APOC3: variants seen among roughly 807,000 people sequenced by gnomAD.
The protein encoded by APOC3 is apolipoprotein C-III.
APOC3 carries 6 observed loss-of-function variants against 7.3 expected under a neutral mutation model. The ratio of observed to expected loss-of-function variants is 0.82; its 90% CI spans 0.45 to 1.61. The LOEUF is 1.61. APOC3 is among the 40% of genes most tolerant of loss of function. The probability of loss-of-function intolerance (pLI) is 0.01; values close to 1 mark genes in which losing one functional copy is unlikely to be tolerated. For synonymous variants in APOC3, 45 were observed against 51.2 expected, an observed-to-expected ratio of 0.88 and a Z score of 0.52; for missense variants, 123 against 124.9, an observed-to-expected ratio of 0.98 and a Z score of 0.07.
Position 116,830,770 on chromosome 11 carries a change from C to T in APOC3, c.56-3C>T, listed in dbSNP as rs1941437312. The T allele has an allele frequency of 1.9e-6, 3 of 1,613,324 alleles. No individual in the cohort carries two copies. The highest frequency in any genetic ancestry group is 2.5e-6 in the Non-Finnish European group (3 of 1,179,998). On this transcript the variant is annotated splice_region_variant and splice_polypyrimidine_tract_variant and intron_variant, in intron 2 of 3. Transcript: ENST00000227667. ...ACCCCACTCAGCCCTGCTCTTTCCT[C>T]AGGAGCTTCAGAGGCCGAGGATGCC...
intron 3 of APOC3, among the ~76,000 whole-genome samples, chr11:116,831,879 A>T (rs532177088): frequency 6.6e-6 from 1 of 152,306 alleles, no homozygotes; most frequent in East Asian, 1.9e-4. Flanking sequence ...TCACACTCCT[A>T]TGAGAATGTA....
At chr11:116,830,952 C>T (rs919221702) in intron 3 of APOC3, 56 bp downstream of exon 3, 20 of 1,588,946 alleles carry the variant, frequency 1.3e-5, no homozygotes, top group Admixed American at 3.4e-5. Context: ...CATTCCCACC[C>T]GCCCCTGCCC....
At chr11:116,830,532 G>A in intron 1 of APOC3, 38 bp from the exon 2 acceptor site, 1 of 1,611,052 alleles carries the variant, frequency 6.2e-7, no homozygotes, top group Non-Finnish European at 8.5e-7. Context: ...CAGAGGCATG[G>A]GGACCTGGGG....
At chr11:116,831,291 T>C (rs1941455941) in intron 3 of APOC3, among the ~76,000 whole-genome samples, 1 of 132,272 alleles carries the variant, frequency 7.6e-6, no homozygotes, top group Non-Finnish European at 1.5e-5. Flanking sequence ...TTCCTTTCTT[T>C]CTTTCTTTCC....
At chr11:116,830,311 C>T (rs1010709237) in intron 1 of APOC3, among the ~76,000 whole-genome samples, 3 of 152,128 alleles carry the variant, frequency 2.0e-5, no homozygotes, top group East Asian at 3.9e-4. Context: ...CTGGACTGGA[C>T]GGAGATCAGT....
chr11:116,832,699 G>T (rs1253837871), intron 3 of APOC3, 65 bp from the exon 4 acceptor site: 5 of 1,609,978 alleles, frequency 3.1e-6, no homozygotes, highest in Non-Finnish European at 4.2e-6. Flanking sequence ...CATGGGTGTG[G>T]GTCCCATGGT....
Position 116,832,371 on chromosome 11 carries a change from G to A in APOC3, c.180-393G>A, listed in dbSNP as rs147310394. On this transcript the variant is annotated intron_variant, in intron 3 of 3. Coordinates refer to ENST00000227667, the MANE Select transcript of APOC3 (RefSeq NM_000040.3). ...TCAATCCTCCAATGACTTTCCAAAT[G>A]AGAGGCTGCCTCCCTCTGTCCTACC... Among the ~76,000 whole-genome samples the A allele has an allele frequency of 5.3e-5, 8 of 152,308 alleles. No individual in the cohort carries two copies. In the East Asian group the frequency reaches 1.2e-3, roughly 22 times the overall value.
At chr11:116,831,205 CT>C (rs371642961) in intron 3 of APOC3, 1 of 106,638 alleles carries the variant, frequency 9.4e-6, no homozygotes, top group Non-Finnish European at 2.0e-5. Flanking sequence ...TTCTTTCTTT[CT>C]TTCTTTCTTT....
rs1302464012 is a variant in APOC3 at position 116,831,191 on chromosome 11, TTCTTTCTTTCTTTC to T, written c.179+297_179+310del. ...CCTTTCCCTTTCTTTCTCTTTCTATTTCTTTCTTTCTTTCTTTCTTTCTTTCTTTCTTTCTTTCT... is the reference window on the plus strand; with the variant it reads ...CCTTTCCCTTTCTTTCTCTTTCTATTTTTCTTTCTTTCTTTCTTTCTTTCT... On this transcript the variant is annotated intron_variant, in intron 3 of 3. Transcript: ENST00000227667. The T allele has an allele frequency of 8.6e-3, 1,370 of 160,166 alleles. 200 individuals are homozygous for T. The highest frequency in any genetic ancestry group is 0.016 in the Middle Eastern group (9 of 550). 9.9% of individuals were successfully genotyped at this position (160,166 alleles called of 1,614,324 possible).
intron 3 of APOC3, chr11:116,831,245 CTTTCTTTCT>C (rs1941451946): frequency 8.1e-6 from 1 of 123,270 alleles, no homozygotes. Flanking sequence ...TTCTTTCTTT[CTTTCTTTCT>C]TTCCTTTCTT....
At chr11:116,832,542 C>T (rs1488592767) in intron 3 of APOC3, among the ~76,000 whole-genome samples, 1 of 152,210 alleles carries the variant, frequency 6.6e-6, no homozygotes, top group African/African-American at 2.4e-5. Flanking sequence ...CTGGAGATGG[C>T]AGGGTTTGAC....
At chr11:116,830,293 C>A (rs1291762135) in intron 1 of APOC3, among the ~76,000 whole-genome samples, 1 of 152,172 alleles carries the variant, frequency 6.6e-6, no homozygotes, top group African/African-American at 2.4e-5. Flanking sequence ...AGACACACAG[C>A]ATGTTGGCTG....
At chr11:116,830,659 G>A (rs757721512) in intron 2 of APOC3, 22 bp downstream of exon 2, 3 of 1,613,638 alleles carry the variant, frequency 1.9e-6, no homozygotes, top group African/African-American at 1.3e-5. Context: ...GTGGGACTGG[G>A]CTGGGGGCAG....
chr11:116,830,483 T>A (rs748494867), intron 1 of APOC3, 87 bp from the exon 2 acceptor site: 333 of 1,414,396 alleles, frequency 2.4e-4, no homozygotes, highest in Non-Finnish European at 3.1e-4. Context: ...CAGCTAAGGT[T>A]CTACCTTAGG....
rs1319881510 is a variant in APOC3, at chr11:116,831,229, CTTTCTTTCTTTCTTT to C, written c.179+334_179+348del. ...TCTTTCTTTCTTTCTTTCTTTCTTT[CTTTCTTTCTTTCTTT>C]CTTTCTTTCTTTCCTTTCTTTCTTT... On this transcript the variant is annotated intron_variant, in intron 3 of 3. Transcript: ENST00000227667. 2.1e-3 allele frequency: 392 copies of C among 190,516 alleles called. 9 individuals are homozygous for C. Among genetic ancestry groups the C allele is most frequent in the South Asian group, 0.018 (88 of 4,902 alleles). The allele number at this position is 190,516 out of a possible 1,614,324, so 11.8% of individuals were successfully genotyped here.
At position 116,830,825 on chromosome 11, in the gene APOC3, G is replaced by T; in HGVS notation, c.108G>T (p.Met36Ile). Residue 36 changes from methionine (M) to isoleucine (I), a missense_variant, in exon 3 of 4, where the codon ATG (methionine) becomes ATT (isoleucine). Transcript: ENST00000227667. ...ASLLSFMQGY[M>I]KHATKTAKDA... ...TTCTCAGCTTCATGCAGGGTTACAT[G>T]AAGCACGCCACCAAGACCGCCAAGG... 1.9e-6 allele frequency: 3 copies of T among 1,613,212 alleles called. No homozygotes were observed. The highest frequency in any genetic ancestry group is 2.5e-6 in the Non-Finnish European group (3 of 1,179,954).
At chr11:116,832,165 T>A (rs1263545610) in intron 3 of APOC3, among the ~76,000 whole-genome samples, 1 of 151,864 alleles carries the variant, frequency 6.6e-6, no homozygotes. Flanking sequence ...ATCAGTACTC[T>A]CCTCTCCCCT....
Position 116,830,556 on chromosome 11 carries a change from A to T in APOC3, c.-13-14A>T, listed in dbSNP as rs370356658. The T allele has an allele frequency of 3.7e-6, 6 of 1,613,820 alleles. No individual in the cohort carries two copies. The highest frequency in any genetic ancestry group is 5.1e-6 in the Non-Finnish European group (6 of 1,179,966). The stretch of plus-strand genomic sequence containing the variant: ...GGGGACCTGGGGTGCCCCTCACAGG[A>T]CACTTCCTTGCAGGAACAGAGGTGC... On this transcript the variant is annotated splice_polypyrimidine_tract_variant and intron_variant, in intron 1 of 3. Transcript: ENST00000227667.
intron 1 of APOC3, 113 bp from the exon 2 acceptor site, chr11:116,830,457 C>A: frequency 8.9e-7 from 1 of 1,128,778 alleles, no homozygotes. Flanking sequence ...CCGGCCCCTA[C>A]TCCTTCTGGC....
Sources: gnomAD v4.1 joint callset for allele counts (sites outside exome capture counted in the v4.1 genomes callset) on GRCh38, gnomAD v4.1.1 for gene constraint, MANE v1.5 for transcripts, NCBI Gene and HGNC (gene_info 2026-07-23, HGNC 2026-07-21) for gene names.